GHR: variants seen among roughly 807,000 people sequenced by gnomAD.
GHR encodes growth hormone receptor.
GHR carries 35 observed loss-of-function variants against 67.1 expected under a neutral mutation model. The observed-to-expected ratio is 0.52, with a 90% CI of 0.40 to 0.69. GHR has a LOEUF of 0.69. Among genes scored for constraint, GHR ranks in the 30% least tolerant of loss-of-function variants. GHR has a pLI of 0.00. For synonymous variants in GHR, 272 were observed against 269.1 expected, an observed-to-expected ratio of 1.01 and a Z score of -0.10; for missense variants, 792 against 764.6, an observed-to-expected ratio of 1.04 and a Z score of -0.42.
At chr5:42,548,088 G>A (rs1160492957) in intron 1 of GHR, 17 of 985,436 alleles carry the variant, frequency 1.7e-5, no homozygotes, top group Non-Finnish European at 2.0e-5. Flanking sequence ...TAGGCCTCAT[G>A]AGACTCCAGC....
chr5:42,671,938 A>G (rs113221732), intron 3 of GHR, among the ~76,000 whole-genome samples: 1,494 of 141,296 alleles, frequency 0.011, 25 homozygotes, highest in African/African-American at 0.036. Context: ...CCTGGGCGAC[A>G]GAGCAAGACT....
At chr5:42,448,691 C>T (rs905080922) in intron 1 of GHR, among the ~76,000 whole-genome samples, 1 of 151,332 alleles carries the variant, frequency 6.6e-6, no homozygotes, top group Non-Finnish European at 1.5e-5. Flanking sequence ...GGGGTTTTTG[C>T]TCATGAGTTC....
intron 5 of GHR, among the ~76,000 whole-genome samples, chr5:42,699,155 AG>A (rs1213045720): frequency 1.3e-5 from 2 of 152,240 alleles, no homozygotes; most frequent in Non-Finnish European, 2.9e-5. Flanking sequence ...TCACAAAGCT[AG>A]GGAGCATTAG....
At chr5:42,700,069 C>A in intron 6 of GHR, 67 bp downstream of exon 6, 2 of 960,674 alleles carry the variant, frequency 2.1e-6, no homozygotes, top group Non-Finnish European at 3.3e-6. Flanking sequence ...TCTCATTTAT[C>A]ATTAGACTTT....
chr5:42,550,788 G>A (rs575351586), intron 1 of GHR, among the ~76,000 whole-genome samples: 8 of 152,242 alleles, frequency 5.3e-5, no homozygotes, highest in African/African-American at 1.9e-4. Flanking sequence ...CGTGTTTAGT[G>A]TTTATTTGGC....
chr5:42,591,275 A>G (rs977299917), intron 2 of GHR, among the ~76,000 whole-genome samples: 5 of 152,236 alleles, frequency 3.3e-5, no homozygotes, highest in Non-Finnish European at 7.3e-5. Flanking sequence ...GCATTTGGTC[A>G]TCAAAGGAGT....
intron 1 of GHR, among the ~76,000 whole-genome samples, chr5:42,547,837 C>G (rs1229261269): frequency 7.4e-6 from 1 of 134,840 alleles, no homozygotes; most frequent in Non-Finnish European, 1.6e-5. Context: ...TTCATTTACT[C>G]ATTAATTTCT....
At chr5:42,655,573 A>G (rs1755214416) in intron 3 of GHR, among the ~76,000 whole-genome samples, 1 of 152,154 alleles carries the variant, frequency 6.6e-6, no homozygotes, top group Non-Finnish European at 1.5e-5. Flanking sequence ...ACATCCCATT[A>G]GTAAAGTAAT....
At chr5:42,515,331 T>G (rs960917679) in intron 1 of GHR, among the ~76,000 whole-genome samples, 9 of 152,202 alleles carry the variant, frequency 5.9e-5, no homozygotes, top group African/African-American at 2.2e-4. Flanking sequence ...TGTTAACATG[T>G]TTTTCCTTTT....
intron 1 of GHR, among the ~76,000 whole-genome samples, chr5:42,552,176 A>G (rs774011406): frequency 6.6e-6 from 1 of 152,240 alleles, no homozygotes; most frequent in African/African-American, 2.4e-5. Context: ...CCCGTAGGAC[A>G]GTAAACATAA....
In GHR at chr5:42,473,914, G is replaced by A. The variant is rs565676970; in HGVS notation, c.-12+49959G>A. ...AAGAAAAGTGTCTGTCTAGCCAGGC[G>A]TGGTGGTTCATGCCTGTAATCCTAG... On this transcript the variant is annotated intron_variant, in intron 1 of 9. Coordinates refer to ENST00000230882, the MANE Select transcript of GHR (RefSeq NM_000163.5). Among the ~76,000 whole-genome samples the A allele has an allele frequency of 1.1e-4, 17 of 151,492 alleles. 1 individual carries two copies. Among genetic ancestry groups the A allele is most frequent in the South Asian group, 2.1e-4 (1 of 4,778 alleles).
intron 1 of GHR, among the ~76,000 whole-genome samples, chr5:42,433,614 ATTAGAGAC>A (rs1450858810): frequency 2.0e-5 from 3 of 152,144 alleles, no homozygotes; most frequent in African/African-American, 7.2e-5. Flanking sequence ...TGAAAAGTTC[ATTAGAGAC>A]TATAAATGCT....
chr5:42,557,076 A>G (rs1749349292), intron 1 of GHR, among the ~76,000 whole-genome samples: 2 of 152,176 alleles, frequency 1.3e-5, no homozygotes, highest in African/African-American at 2.4e-5. Context: ...AAATTATCCA[A>G]ACCTAACGAC....
chr5:42,622,715 T>G (rs974660230), intron 2 of GHR, among the ~76,000 whole-genome samples: 1 of 152,222 alleles, frequency 6.6e-6, no homozygotes, highest in Non-Finnish European at 1.5e-5. Flanking sequence ...TAAATGCCAT[T>G]GCTACACAAC....
At chr5:42,708,761 T>C (rs1475139837) in intron 6 of GHR, among the ~76,000 whole-genome samples, 2 of 152,222 alleles carry the variant, frequency 1.3e-5, no homozygotes, top group East Asian at 3.8e-4. Flanking sequence ...TCCCACCCTG[T>C]GCCAGGTACT....
chr5:42,474,301 G>GAA (rs754953126), intron 1 of GHR, among the ~76,000 whole-genome samples: 1 of 137,784 alleles, frequency 7.3e-6, no homozygotes, highest in Non-Finnish European at 1.6e-5. Flanking sequence ...GAAAGAGAAA[G>GAA]AAAGAAAGAA....
At chr5:42,506,110 T>A (rs1746766644) in intron 1 of GHR, among the ~76,000 whole-genome samples, 1 of 152,218 alleles carries the variant, frequency 6.6e-6, no homozygotes, top group African/African-American at 2.4e-5. Context: ...GACATTATGT[T>A]ATTTACTCCA....
intron 1 of GHR, among the ~76,000 whole-genome samples, chr5:42,503,111 T>C (rs1177143154): frequency 6.6e-6 from 1 of 152,160 alleles, no homozygotes; most frequent in Non-Finnish European, 1.5e-5. Context: ...CTCTCCAGGG[T>C]CAGGTATAGA....
chr5:42,572,198 G>C (rs1452165862), intron 2 of GHR, among the ~76,000 whole-genome samples: 5 of 152,074 alleles, frequency 3.3e-5, no homozygotes, highest in Admixed American at 2.6e-4. Flanking sequence ...CTGTAGGCAG[G>C]CCAGGGTCAT....
Sources: allele counts gnomAD v4.1 joint callset (sites outside exome capture counted in the v4.1 genomes callset), GRCh38; gene constraint gnomAD v4.1.1; transcripts MANE v1.5; gene names NCBI Gene and HGNC (gene_info 2026-07-23, HGNC 2026-07-21).